CSMD1: variants seen among roughly 807,000 people sequenced by gnomAD.
CSMD1 encodes CUB and sushi domain-containing protein 1.
A neutral mutation model predicts 417.5 loss-of-function variants in CSMD1; 213 were observed. The ratio of observed to expected loss-of-function variants is 0.51; its 90% CI spans 0.46 to 0.57. The LOEUF (loss-of-function observed/expected upper bound fraction) is 0.57, where lower values mean the gene tolerates loss of function less well. CSMD1 is among the 20% of genes least tolerant of loss of function. CSMD1 has a pLI of 0.00. For synonymous variants in CSMD1, 2,862 were observed against 1,736.8 expected (o/e 1.65, Z -16.11); for missense variants, 6,923 against 4,529.7 (o/e 1.53, Z -15.17).
chr8:4,635,627 A>G (rs529478846), intron 2 of CSMD1, among the ~76,000 whole-genome samples: 50 of 152,268 alleles, frequency 3.3e-4, no homozygotes, highest in Non-Finnish European at 5.3e-4. Context: ...TTTGAATAAA[A>G]TGGATTGTCT....
intron 48 of CSMD1, among the ~76,000 whole-genome samples, 152 bp downstream of exon 48, chr8:3,091,364 G>A (rs1814931247): frequency 6.6e-6 from 1 of 152,134 alleles, no homozygotes; most frequent in South Asian, 2.1e-4. Flanking sequence ...GAATCATTCA[G>A]AATAATTACC....
chr8:4,171,019 T>A (rs1797735007), intron 3 of CSMD1, among the ~76,000 whole-genome samples: 1 of 151,910 alleles, frequency 6.6e-6, no homozygotes, highest in South Asian at 2.1e-4. Flanking sequence ...GATAATGGCC[T>A]TCCATATGCA....
intron 1 of CSMD1, among the ~76,000 whole-genome samples, chr8:4,835,036 C>T (rs1303623265): frequency 8.0e-6 from 1 of 124,328 alleles, no homozygotes; most frequent in Non-Finnish European, 1.7e-5. Context: ...ATTGGGGGAA[C>T]AAATGATGAC....
intron 37 of CSMD1, among the ~76,000 whole-genome samples, chr8:3,173,093 C>T (rs1164948814): frequency 6.6e-6 from 1 of 152,168 alleles, no homozygotes; most frequent in Non-Finnish European, 1.5e-5. Flanking sequence ...ATTTCAATCA[C>T]TTTATTTAGG....
chr8:4,710,062 G>A (rs562595263), intron 1 of CSMD1, among the ~76,000 whole-genome samples: 1 of 152,046 alleles, frequency 6.6e-6, no homozygotes, highest in Non-Finnish European at 1.5e-5. Context: ...TAGTGATTTG[G>A]AAAATCTGGG....
chr8:3,860,681 G>C (rs781743453), intron 5 of CSMD1, among the ~76,000 whole-genome samples: 1 of 152,022 alleles, frequency 6.6e-6, no homozygotes, highest in African/African-American at 2.4e-5. Context: ...TTATTCTTAA[G>C]ACCACAGAAC....
chr8:4,853,159 G>C (rs1365684703), intron 1 of CSMD1, among the ~76,000 whole-genome samples: 1 of 152,184 alleles, frequency 6.6e-6, no homozygotes, highest in East Asian at 1.9e-4. Context: ...ACTTTCTAGA[G>C]AGATTTGCAT....
chr8:3,564,434 T>C (rs569713211), intron 10 of CSMD1, among the ~76,000 whole-genome samples: 3 of 152,292 alleles, frequency 2.0e-5, no homozygotes, highest in East Asian at 3.9e-4. Context: ...ACAGCTGTGC[T>C]GTTATTCTTT....
intron 12 of CSMD1, among the ~76,000 whole-genome samples, chr8:3,450,388 G>A (rs901932256): frequency 2.0e-4 from 31 of 151,672 alleles, no homozygotes; most frequent in Non-Finnish European, 4.1e-4. Context: ...GTATACATGT[G>A]CCATGTTGGT....
chr8:4,402,326 A>G lies in CSMD1; in HGVS notation c.415+17627T>C, dbSNP rs949001475. Among the ~76,000 whole-genome samples the G allele has an allele frequency of 2.0e-5, 3 of 151,240 alleles. No individual in the cohort carries two copies. In the East Asian group the frequency reaches 5.8e-4, roughly 29 times the overall value. ...TCCTCTTTCCCTCCTTCAAATCTATACTTCATCATCACACTCCTTCCCCTG... is the reference window on the plus strand; with the variant it reads ...TCCTCTTTCCCTCCTTCAAATCTATGCTTCATCATCACACTCCTTCCCCTG... On this transcript the variant is annotated intron_variant, in intron 3 of 69. Coordinates refer to ENST00000635120, the MANE Select transcript of CSMD1 (RefSeq NM_033225.6).
At chr8:4,803,793 T>C (rs1169266740) in intron 1 of CSMD1, among the ~76,000 whole-genome samples, 2 of 152,226 alleles carry the variant, frequency 1.3e-5, no homozygotes, top group East Asian at 3.8e-4. Context: ...CTTCTCTTTG[T>C]TGGTGCTCTA....
intron 3 of CSMD1, among the ~76,000 whole-genome samples, chr8:4,325,299 A>T (rs185014549): frequency 1.6e-3 from 237 of 152,316 alleles, no homozygotes; most frequent in Middle Eastern, 3.4e-3. Flanking sequence ...CATTAATTAA[A>T]TGGCAACCTA....
chr8:3,714,901 G>T (rs1801739800), intron 6 of CSMD1, among the ~76,000 whole-genome samples: 1 of 152,000 alleles, frequency 6.6e-6, no homozygotes, highest in South Asian at 2.1e-4. Context: ...CAACACACCT[G>T]GAGAAATCTC....
chr8:3,026,518 C>A (rs1481699817), intron 51 of CSMD1, among the ~76,000 whole-genome samples: 1 of 151,810 alleles, frequency 6.6e-6, no homozygotes, highest in Non-Finnish European at 1.5e-5. Flanking sequence ...CACTGGACCT[C>A]ACTCAGCCTC....
chr8:3,445,525 T>C (rs1189999814), intron 12 of CSMD1, among the ~76,000 whole-genome samples: 1 of 152,144 alleles, frequency 6.6e-6, no homozygotes, highest in East Asian at 1.9e-4. Flanking sequence ...ACAACTCTTT[T>C]CATTACACAT....
At chr8:3,421,401 T>G (rs1442734629) in intron 12 of CSMD1, among the ~76,000 whole-genome samples, 1 of 152,074 alleles carries the variant, frequency 6.6e-6, no homozygotes, top group Non-Finnish European at 1.5e-5. Context: ...CAAATGAGAG[T>G]TACTATATAC....
chr8:3,033,121 T>C (rs553397344), intron 50 of CSMD1, among the ~76,000 whole-genome samples: 1 of 152,220 alleles, frequency 6.6e-6, no homozygotes, highest in Admixed American at 6.5e-5. Context: ...AATTTAAAGA[T>C]ATTTTATTTT....
intron 7 of CSMD1, among the ~76,000 whole-genome samples, chr8:3,623,591 G>C (rs1191330363): frequency 6.6e-6 from 1 of 152,164 alleles, no homozygotes. Flanking sequence ...ATTTACATAT[G>C]TTTTTAAATG....
intron 1 of CSMD1, among the ~76,000 whole-genome samples, chr8:4,819,705 G>C (rs1447811505): frequency 6.6e-6 from 1 of 152,120 alleles, no homozygotes; most frequent in Non-Finnish European, 1.5e-5. Flanking sequence ...TGTTTCTACA[G>C]AGTTCTTACA....
Sources: allele counts gnomAD v4.1 joint callset (sites outside exome capture counted in the v4.1 genomes callset), GRCh38; gene constraint gnomAD v4.1.1; transcripts MANE v1.5; gene names NCBI Gene and HGNC (gene_info 2026-07-23, HGNC 2026-07-21).